Variants in CADPS2 observed in about 807,000 individuals in gnomAD.
CADPS2 encodes calcium dependent secretion activator 2.
A neutral mutation model predicts 172.5 loss-of-function variants in CADPS2; 93 were observed. That is an observed-to-expected ratio of 0.54 (90% CI 0.46 to 0.64). The LOEUF (loss-of-function observed/expected upper bound fraction) is 0.64. CADPS2 is among the 30% of genes least tolerant of loss of function. The pLI is 0.00. For missense variants in CADPS2, 1,420 were observed against 1,565.9 expected (o/e 0.91, Z 1.57); for synonymous variants, 546 against 555.2 (o/e 0.98, Z 0.23).
chr7:122,645,342 T>TACATATATACAC (rs2078244967), intron 3 of CADPS2, among the ~76,000 whole-genome samples: 1 of 112,624 alleles, frequency 8.9e-6, no homozygotes, highest in African/African-American at 2.9e-5. Flanking sequence ...TACACACATG[T>TACATATATACAC]ACATGTGTGT....
intron 1 of CADPS2, among the ~76,000 whole-genome samples, chr7:122,759,336 C>A (rs1345436679): frequency 6.6e-6 from 1 of 152,046 alleles, no homozygotes; most frequent in Admixed American, 6.6e-5. Flanking sequence ...TGTCAGCCAG[C>A]AAAAGGCAGA....
intron 11 of CADPS2, among the ~76,000 whole-genome samples, chr7:122,481,215 G>A (rs370764018): frequency 6.9e-6 from 1 of 145,344 alleles, no homozygotes; most frequent in Non-Finnish European, 1.5e-5. Context: ...GCCCAGGCTG[G>A]AGTGCAGTGG....
intron 27 of CADPS2, among the ~76,000 whole-genome samples, chr7:122,348,715 G>A (rs1371136445): frequency 6.6e-6 from 1 of 152,104 alleles, no homozygotes; most frequent in Admixed American, 6.6e-5. Flanking sequence ...TGTGGCATGA[G>A]TGTATAATCA....
At chr7:122,801,878 T>C (rs2139969714) in intron 1 of CADPS2, among the ~76,000 whole-genome samples, 1 of 151,948 alleles carries the variant, frequency 6.6e-6, no homozygotes, top group South Asian at 2.1e-4. Flanking sequence ...CGTGAGCCAC[T>C]CTGCGCAGGT....
At chr7:122,847,532 TCATAC>T (rs1423491473) in intron 1 of CADPS2, among the ~76,000 whole-genome samples, 1 of 152,246 alleles carries the variant, frequency 6.6e-6, no homozygotes, top group Non-Finnish European at 1.5e-5. Context: ...TGTATTGTTC[TCATAC>T]CATTAGTTTG....
chr7:122,367,661 G>A (rs913054576), intron 25 of CADPS2, among the ~76,000 whole-genome samples: 2 of 144,170 alleles, frequency 1.4e-5, no homozygotes, highest in Non-Finnish European at 3.0e-5. Flanking sequence ...CTTGTGCCTC[G>A]GCTTCCTGAG....
Position 122,416,121 on chromosome 7 carries a change from A to G in CADPS2, c.2520T>C (p.Ile840=). 1 of 1,554,300 alleles carries G rather than the reference A, an allele frequency of 6.4e-7. No individual in the cohort carries two copies. Among genetic ancestry groups the G allele is most frequent in the Non-Finnish European group, 8.7e-7 (1 of 1,145,344 alleles). The change falls in exon 18 of 30, where the codon ATT becomes ATC. Residue 840 remains isoleucine (I), a synonymous_variant. Coordinates refer to ENST00000449022, the MANE Select transcript of CADPS2 (RefSeq NM_017954.11). ...QASPARKLEE[I]LHLAELCIEV... ...CTATGCAGAGCTCTGCCAGATGAAG[A>G]ATCTCTTCCAGCTTTCTAGCAGGAG...
chr7:122,667,955 G>A (rs1000178926), intron 2 of CADPS2, among the ~76,000 whole-genome samples: 7 of 152,182 alleles, frequency 4.6e-5, no homozygotes, highest in Admixed American at 4.6e-4. Flanking sequence ...ACTCTGGGCT[G>A]TATCTGGTGA....
chr7:122,435,738 T>C (rs2050553690), intron 17 of CADPS2, among the ~76,000 whole-genome samples: 1 of 152,178 alleles, frequency 6.6e-6, no homozygotes, highest in Admixed American at 6.6e-5. Flanking sequence ...ATTGCAGCAT[T>C]ATTCATTGAA....
chr7:122,778,214 A>T (rs993507018), intron 1 of CADPS2, among the ~76,000 whole-genome samples: 2 of 152,156 alleles, frequency 1.3e-5, no homozygotes, highest in African/African-American at 4.8e-5. Flanking sequence ...CTATACAAAG[A>T]AACTGGTGGC....
At chr7:122,878,062 C>A (rs940608986) in intron 1 of CADPS2, among the ~76,000 whole-genome samples, 4 of 149,674 alleles carry the variant, frequency 2.7e-5, no homozygotes, top group Admixed American at 6.6e-5. Flanking sequence ...TCAAGACCAT[C>A]CAGGCCAACA....
chr7:122,320,087 T>C lies in CADPS2; in HGVS notation c.*78A>G, dbSNP rs2032075954. ...ATTTGGCCAAAACAAACAATGAATG[T>C]AATTACAAGGACAAGGTTAAAAAAA... On this transcript the variant is annotated 3_prime_UTR_variant, in exon 30 of 30. Transcript: ENST00000449022. The C allele has an allele frequency of 1.6e-6, 2 of 1,287,442 alleles. No homozygotes were observed. Among genetic ancestry groups the C allele is most frequent in the Non-Finnish European group, 2.0e-6 (2 of 986,168 alleles). 79.8% of individuals were successfully genotyped at this position (1,287,442 alleles called of 1,614,324 possible). A position where few individuals can be genotyped will look rare whatever the true frequency, so the allele number is the denominator to read the frequency against.
chr7:122,838,450 A>T (rs1326568387), intron 1 of CADPS2, among the ~76,000 whole-genome samples: 1 of 152,208 alleles, frequency 6.6e-6, no homozygotes, highest in Admixed American at 6.5e-5. Context: ...AGGAGGAAGA[A>T]AGAAAGGGTA....
chr7:122,751,370 A>G (rs2092947753), intron 1 of CADPS2, among the ~76,000 whole-genome samples: 1 of 152,114 alleles, frequency 6.6e-6, no homozygotes, highest in Non-Finnish European at 1.5e-5. Flanking sequence ...GGGTAATGAA[A>G]TAAGGGCCCC....
At chr7:122,857,975 C>CT (rs1377934852) in intron 1 of CADPS2, among the ~76,000 whole-genome samples, 2 of 152,104 alleles carry the variant, frequency 1.3e-5, no homozygotes, top group Non-Finnish European at 2.9e-5. Flanking sequence ...GACCCAAAGA[C>CT]TGAGCAGTAG....
chr7:122,402,353 C>T (rs2046057553), intron 20 of CADPS2, among the ~76,000 whole-genome samples: 2 of 152,072 alleles, frequency 1.3e-5, no homozygotes, highest in African/African-American at 4.8e-5. Context: ...AACTGGAGAC[C>T]CAGTACTCAG....
chr7:122,661,349 A>G (rs925924067), intron 3 of CADPS2, among the ~76,000 whole-genome samples: 4 of 152,206 alleles, frequency 2.6e-5, no homozygotes, highest in African/African-American at 9.6e-5. Flanking sequence ...GACTAAAACC[A>G]GGGTGCCCAC....
chr7:122,330,982 T>C (rs2034842668), intron 28 of CADPS2: 1 of 152,208 alleles, frequency 6.6e-6, no homozygotes, highest in Admixed American at 6.5e-5. Context: ...ATAGAAATAC[T>C]GTGAGTTTAA....
At chr7:122,665,606 A>G (rs2081108192) in intron 2 of CADPS2, among the ~76,000 whole-genome samples, 1 of 152,242 alleles carries the variant, frequency 6.6e-6, no homozygotes, top group African/African-American at 2.4e-5. Flanking sequence ...AGCTTACTTT[A>G]TGATAAAGTG....
Sources: allele counts gnomAD v4.1 joint callset (sites outside exome capture counted in the v4.1 genomes callset), GRCh38; gene constraint gnomAD v4.1.1; transcripts MANE v1.5; gene names NCBI Gene and HGNC (gene_info 2026-07-23, HGNC 2026-07-21).